The following LTN1 variants were observed in gnomAD, a reference collection of about 807,000 sequenced individuals.
LTN1 encodes the protein listerin E3 ubiquitin protein ligase 1.
A neutral mutation model predicts 201.2 loss-of-function variants in LTN1; 88 were observed. The observed-to-expected ratio is 0.44, with a 90% CI of 0.37 to 0.52. The LOEUF (loss-of-function observed/expected upper bound fraction) is 0.52. Among genes scored for constraint, LTN1 ranks in the 20% least tolerant of loss-of-function variants. LTN1 has a pLI of 0.00. For missense variants in LTN1, 1,752 were observed against 2,038.7 expected, an observed-to-expected ratio of 0.86 and a Z score of 2.71; for synonymous variants, 645 against 713.5, an observed-to-expected ratio of 0.90 and a Z score of 1.53.
Position 28,965,805 on chromosome 21 carries a change from T to A in LTN1, c.2163+60A>T. The A allele has an allele frequency of 5.2e-6, 5 of 964,538 alleles. No homozygotes were observed. The Admixed American group carries it at 8.0e-5, about 16-fold the overall frequency. 59.7% of individuals were successfully genotyped at this position (964,538 alleles called of 1,614,324 possible). A position where few individuals can be genotyped will look rare whatever the true frequency, so the allele number is the denominator to read the frequency against. On this transcript the variant is annotated intron_variant, in intron 11 of 29. Coordinates refer to ENST00000361371, the MANE Select transcript of LTN1 (RefSeq NM_015565.3). ...ATTTATTGTGTAAATAGGACTACGG[T>A]TATAATATTTCTATTCCCATAAATA...
chr21:28,931,097 G>A, intron 29 of LTN1, 58 bp downstream of exon 29: 2 of 886,010 alleles, frequency 2.3e-6, no homozygotes, highest in Middle Eastern at 4.8e-4. Flanking sequence ...GTGTGTGTGT[G>A]TGTTTATGTG....
chr21:28,992,210 AG>A lies in LTN1; in HGVS notation c.42+553del, dbSNP rs2084751961. Among the ~76,000 whole-genome samples the A allele has an allele frequency of 2.0e-4, 30 of 152,230 alleles. No individual in the cohort carries two copies. The South Asian group carries it at 6.2e-3, about 32-fold the overall frequency. ...GCGTTGGGAGCCGGCCAGGTAGTCA[AG>A]GCACAGTGAAGAGATCAGTGTGGCT... On this transcript the variant is annotated intron_variant, in intron 1 of 29. Transcript: ENST00000361371.
At position 28,931,380 on chromosome 21, in the gene LTN1, A is replaced by G. The variant is rs377270721; in HGVS notation, c.5071-58T>C. ...ACTGATAACCACCAATTTTATTTTT[A>G]TTCAATTTCACAAATTTTAAAGTTG... On this transcript the variant is annotated intron_variant, in intron 28 of 29. Transcript: ENST00000361371. 54 of 975,006 alleles carry G rather than the reference A, an allele frequency of 5.5e-5. 2 individuals are homozygous for G. The South Asian group carries it at 1.0e-3, about 19-fold the overall frequency. The allele number at this position is 975,006 out of a possible 1,614,324, so 60.4% of individuals were successfully genotyped here.
At chr21:28,947,368 A>G in intron 19 of LTN1, 96 bp downstream of exon 19, 1 of 1,011,398 alleles carries the variant, frequency 9.9e-7, no homozygotes, top group Non-Finnish European at 1.4e-6. Flanking sequence ...CTGTAATTCA[A>G]TTTACCTCTG....
chr21:28,968,134 A>G lies in LTN1; in HGVS notation c.1312-955T>C, dbSNP rs141937219. On this transcript the variant is annotated intron_variant, in intron 9 of 29. Coordinates refer to ENST00000361371, the MANE Select transcript of LTN1 (RefSeq NM_015565.3). ...AAATTTTCCCCTAGAACTCTGAAAAAGTTAACCTAAAGATCCCTTTCATAT... is the reference window on the plus strand; with the variant it reads ...AAATTTTCCCCTAGAACTCTGAAAAGGTTAACCTAAAGATCCCTTTCATAT... 5.2e-4 allele frequency among the ~76,000 whole-genome samples: 79 copies of G among 152,352 alleles called. No individual in the cohort carries two copies. In the East Asian group the frequency reaches 0.014, roughly 26 times the overall value.
At chr21:28,966,250 G>A (rs1310772637) in intron 10 of LTN1, 120 bp downstream of exon 10, 2 of 828,958 alleles carry the variant, frequency 2.4e-6, no homozygotes, top group African/African-American at 1.7e-5. Context: ...TCATGATCAA[G>A]AATATATTGC....
intron 11 of LTN1, among the ~76,000 whole-genome samples, chr21:28,962,458 T>C (rs962299731): frequency 2.0e-5 from 3 of 152,218 alleles, no homozygotes; most frequent in African/African-American, 7.2e-5. Context: ...TGACTTTTGA[T>C]GTTACGATTG....
intron 24 of LTN1, among the ~76,000 whole-genome samples, chr21:28,942,784 T>C (rs903467959): frequency 6.6e-6 from 1 of 152,106 alleles, no homozygotes; most frequent in African/African-American, 2.4e-5. Context: ...ATACATGCTA[T>C]CTTATATAGG....
Position 28,931,302 on chromosome 21 carries a change from G to A in LTN1, c.5091C>T (p.Gly1697=). ...LTHQNGSIME[G]LALWKNNVDK... Reference sequence around the variant, plus strand: ...CTACGTTATTTTTCCATAAAGCTAAGCCTTCCATAATACTTCCATTCTGTT... The same window carrying A: ...CTACGTTATTTTTCCATAAAGCTAAACCTTCCATAATACTTCCATTCTGTT... The change falls in exon 29 of 30, where the codon GGC becomes GGT. Residue 1697 remains glycine, a synonymous_variant. Transcript: ENST00000361371. The A allele has an allele frequency of 6.2e-7, 1 of 1,609,348 alleles. No homozygotes were observed. The highest frequency in any genetic ancestry group is 8.5e-7 in the Non-Finnish European group (1 of 1,177,462).
At chr21:28,984,594 C>A in intron 4 of LTN1, 98 bp downstream of exon 4, 1 of 774,258 alleles carries the variant, frequency 1.3e-6, no homozygotes, top group Non-Finnish European at 2.1e-6. Context: ...TCTACTTACT[C>A]ATTCCCCTAC....
At chr21:28,964,340 G>C (rs756873329) in intron 11 of LTN1, among the ~76,000 whole-genome samples, 2 of 152,160 alleles carry the variant, frequency 1.3e-5, no homozygotes, top group African/African-American at 4.8e-5. Context: ...CAGCAGCCAT[G>C]AACATTGAGG....
intron 15 of LTN1, 76 bp downstream of exon 15, chr21:28,957,256 C>A: frequency 1.5e-6 from 2 of 1,362,274 alleles, no homozygotes; most frequent in Non-Finnish European, 2.0e-6. Flanking sequence ...TTTTTCTTCC[C>A]CAAAATAAAA....
Position 28,971,739 on chromosome 21 carries a change from A to C in LTN1, c.811-295T>G, listed in dbSNP as rs558254416. Among the ~76,000 whole-genome samples, 26 of 152,270 alleles carry C rather than the reference A, an allele frequency of 1.7e-4. No homozygotes were observed. In the South Asian group the frequency reaches 2.1e-3, roughly 12 times the overall value. ...TTTGGGGCCTCCATTATAGCCAAAC[A>C]AACAGAAAATAAGACACCATGAGCA... On this transcript the variant is annotated intron_variant, in intron 6 of 29. Coordinates refer to ENST00000361371, the MANE Select transcript of LTN1 (RefSeq NM_015565.3).
At chr21:28,934,016 A>G (rs943684919) in intron 27 of LTN1, among the ~76,000 whole-genome samples, 5 of 152,140 alleles carry the variant, frequency 3.3e-5, no homozygotes, top group Middle Eastern at 3.4e-3. Context: ...CATTTTCCCC[A>G]TAACAAAATC....
chr21:28,955,084 G>T (rs1313726337), intron 16 of LTN1, among the ~76,000 whole-genome samples: 2 of 151,832 alleles, frequency 1.3e-5, no homozygotes, highest in Non-Finnish European at 2.9e-5. Context: ...CAACTCAACG[G>T]CAAGAAAGGA....
intron 23 of LTN1, 109 bp from the exon 24 acceptor site, chr21:28,943,445 G>C: frequency 1.4e-6 from 1 of 730,514 alleles, no homozygotes; most frequent in South Asian, 1.9e-5. Flanking sequence ...ATGTTTTAAT[G>C]AGTTTTCTTT....
intron 11 of LTN1, among the ~76,000 whole-genome samples, chr21:28,963,287 G>T (rs951903414): frequency 6.6e-6 from 1 of 152,200 alleles, no homozygotes; most frequent in Non-Finnish European, 1.5e-5. Flanking sequence ...CAAAGGACTG[G>T]CTGACTCTCG....
At chr21:28,960,248 TC>T (rs1158070012) in intron 12 of LTN1, among the ~76,000 whole-genome samples, 1 of 151,556 alleles carries the variant, frequency 6.6e-6, no homozygotes, top group East Asian at 1.9e-4. Context: ...GCACCTGTAG[TC>T]CCAACTACTT....
intron 9 of LTN1, 137 bp from the exon 10 acceptor site, chr21:28,967,316 C>T (rs2084535090): frequency 1.5e-6 from 1 of 660,418 alleles, no homozygotes; most frequent in Admixed American, 2.9e-5. Context: ...TGGCTGGCAG[C>T]ACCTGTATAG....
Sources: allele counts gnomAD v4.1 joint callset (sites outside exome capture counted in the v4.1 genomes callset), GRCh38; gene constraint gnomAD v4.1.1; transcripts MANE v1.5; gene names NCBI Gene and HGNC (gene_info 2026-07-23, HGNC 2026-07-21).